STARD13: variants seen among roughly 807,000 people sequenced by gnomAD.
STARD13 encodes StAR related lipid transfer domain containing 13.
STARD13 carries 62 observed loss-of-function variants against 106.4 expected under a neutral mutation model. That is an observed-to-expected ratio of 0.58 (90% CI 0.48 to 0.72). The LOEUF (loss-of-function observed/expected upper bound fraction) is 0.72, where lower values mean the gene tolerates loss of function less well. STARD13 is among the 30% of genes least tolerant of loss of function. The probability of loss-of-function intolerance (pLI) is 0.00; values close to 1 mark genes in which losing one functional copy is unlikely to be tolerated. For missense variants in STARD13, 1,387 were observed against 1,424.0 expected, an observed-to-expected ratio of 0.97 and a Z score of 0.42; for synonymous variants, 565 against 553.0, an observed-to-expected ratio of 1.02 and a Z score of -0.31.
the STARD13 span, among the ~76,000 whole-genome samples, chr13:33,512,934 T>C: frequency 2.3e-4 from 35 of 152,282 alleles, no homozygotes; most frequent in South Asian, 7.0e-3. Context: ...TCCAGAACTG[T>C]AAGACAGTAA....
At chr13:33,199,348 A>G (rs1023579420) in intron 1 of STARD13, among the ~76,000 whole-genome samples, 1 of 152,248 alleles carries the variant, frequency 6.6e-6, no homozygotes, top group Admixed American at 6.5e-5. Context: ...CCTTTCACAC[A>G]GTAGATGCTC....
chr13:33,122,342 C>T (rs897247543), intron 7 of STARD13, among the ~76,000 whole-genome samples: 3 of 152,180 alleles, frequency 2.0e-5, no homozygotes, highest in Admixed American at 6.5e-5. Flanking sequence ...CCCTCAGCTT[C>T]GTTATGAGGA....
chr13:33,459,107 T>C, the STARD13 span, among the ~76,000 whole-genome samples: 14 of 152,182 alleles, frequency 9.2e-5, no homozygotes, highest in African/African-American at 3.4e-4. Context: ...GTACAAATGA[T>C]GTAAGATAAA....
intron 12 of STARD13, 33 bp from the exon 13 acceptor site, chr13:33,106,967 G>A: frequency 6.3e-7 from 1 of 1,582,404 alleles, no homozygotes; most frequent in East Asian, 2.3e-5. Context: ...TCAGAGTCAT[G>A]ACTGAGGGAG....
At chr13:33,418,085 G>GTTGA in the STARD13 span, among the ~76,000 whole-genome samples, 1 of 152,116 alleles carries the variant, frequency 6.6e-6, no homozygotes, top group South Asian at 2.1e-4. Flanking sequence ...ATTGGTACTG[G>GTTGA]TTGGACAGTG....
chr13:33,291,314 T>C (rs983568944), intron 1 of STARD13, among the ~76,000 whole-genome samples: 1 of 152,360 alleles, frequency 6.6e-6, no homozygotes, highest in South Asian at 2.1e-4. Flanking sequence ...AATGTTTTTG[T>C]GTAGTCTCAC....
the STARD13 span, among the ~76,000 whole-genome samples, chr13:33,627,745 T>C: frequency 1.3e-5 from 2 of 152,200 alleles, no homozygotes; most frequent in East Asian, 3.8e-4. Context: ...CCTTTCTGAA[T>C]GTGAGCACCC....
At chr13:33,304,623 C>G (rs1312447776) in intron 1 of STARD13, among the ~76,000 whole-genome samples, 1 of 152,012 alleles carries the variant, frequency 6.6e-6, no homozygotes, top group Non-Finnish European at 1.5e-5. Flanking sequence ...AGTTAATGTC[C>G]TCCCTGATAG....
At chr13:33,503,393 C>T in the STARD13 span, among the ~76,000 whole-genome samples, 22 of 152,210 alleles carry the variant, frequency 1.4e-4, no homozygotes, top group Non-Finnish European at 3.1e-4. Context: ...CAGTTCTGTT[C>T]TGATCTTAGT....
At chr13:33,380,487 A>C in the STARD13 span, among the ~76,000 whole-genome samples, 847 of 71,518 alleles carry the variant, frequency 0.012, 8 homozygotes, top group East Asian at 0.1. Flanking sequence ...CACCCCCCCC[A>C]CACACAAATT....
chr13:33,323,902 A>G (rs1430572526), intron 1 of STARD13, among the ~76,000 whole-genome samples: 1 of 152,180 alleles, frequency 6.6e-6, no homozygotes, highest in Non-Finnish European at 1.5e-5. Context: ...AACACGAAAC[A>G]CACCGTCAGG....
intron 1 of STARD13, among the ~76,000 whole-genome samples, chr13:33,199,878 A>G (rs1029550716): frequency 2.0e-5 from 3 of 152,236 alleles, no homozygotes; most frequent in Admixed American, 1.3e-4. Context: ...GGCCGGGCCC[A>G]GTACCAATGG....
chr13:33,585,340 CAT>C, the STARD13 span, among the ~76,000 whole-genome samples: 1 of 152,002 alleles, frequency 6.6e-6, no homozygotes, highest in African/African-American at 2.4e-5. Flanking sequence ...ATGCTCATAA[CAT>C]CATTATTCAT....
the STARD13 span, among the ~76,000 whole-genome samples, chr13:33,545,296 C>T: frequency 1.9e-4 from 29 of 151,956 alleles, no homozygotes; most frequent in African/African-American, 6.8e-4. Context: ...GGGGTTTCAC[C>T]GTGTTAGCCA....
chr13:33,609,170 C>T, the STARD13 span, among the ~76,000 whole-genome samples: 1 of 149,538 alleles, frequency 6.7e-6, no homozygotes, highest in Non-Finnish European at 1.5e-5. Flanking sequence ...TAAAAGACAC[C>T]ATAAACAAAG....
intron 1 of STARD13, among the ~76,000 whole-genome samples, chr13:33,349,988 T>G (rs9537276): frequency 0.89 from 135,089 of 152,186 alleles, 62,154 homozygotes; most frequent in East Asian, 1. Flanking sequence ...CAGCCTAGGC[T>G]AAAAGGCCGC....
the STARD13 span, among the ~76,000 whole-genome samples, chr13:33,588,380 C>G: frequency 1.4e-4 from 21 of 152,248 alleles, no homozygotes; most frequent in Middle Eastern, 3.4e-3. Context: ...GCTTTACTTA[C>G]AGTGTTTATG....
At chr13:33,484,663 A>C in the STARD13 span, among the ~76,000 whole-genome samples, 1 of 151,230 alleles carries the variant, frequency 6.6e-6, no homozygotes, top group African/African-American at 2.4e-5. Context: ...TAGCAATAAA[A>C]CTCCAGTCTC....
chr13:33,142,503 G>T, intron 3 of STARD13, 130 bp from the exon 4 acceptor site: 1 of 773,448 alleles, frequency 1.3e-6, no homozygotes, highest in South Asian at 1.6e-5. Context: ...AGACAGTACT[G>T]CACCCACAGA....
Sources: gnomAD v4.1 joint callset for allele counts (sites outside exome capture counted in the v4.1 genomes callset) on GRCh38, gnomAD v4.1.1 for gene constraint, MANE v1.5 for transcripts, NCBI Gene and HGNC (gene_info 2026-07-23, HGNC 2026-07-21) for gene names.